Variants in FSTL5 observed in about 807,000 individuals in gnomAD.
The protein encoded by FSTL5 is follistatin-related protein 5.
Under a neutral mutation model 89.1 loss-of-function variants are expected in FSTL5, and 62 were observed. That is an observed-to-expected ratio of 0.70 (90% CI 0.57 to 0.86). The LOEUF is 0.86. FSTL5 is among the 40% of genes least tolerant of loss of function. The probability of loss-of-function intolerance (pLI) is 0.00; values close to 1 mark genes in which losing one functional copy is unlikely to be tolerated. For missense variants in FSTL5, 1,057 were observed against 1,001.6 expected, an observed-to-expected ratio of 1.06 and a Z score of -0.75; for synonymous variants, 383 against 346.2, an observed-to-expected ratio of 1.11 and a Z score of -1.18.
intron 1 of FSTL5, among the ~76,000 whole-genome samples, chr4:162,138,622 AGTC>A (rs1404159907): frequency 3.9e-5 from 6 of 152,128 alleles, no homozygotes; most frequent in Non-Finnish European, 8.8e-5. Flanking sequence ...ATTGTACTGG[AGTC>A]CTAATCAGTG....
At chr4:161,922,509 T>C (rs1734020421) in intron 3 of FSTL5, among the ~76,000 whole-genome samples, 2 of 151,928 alleles carry the variant, frequency 1.3e-5, no homozygotes, top group South Asian at 4.1e-4. Context: ...CCCAGAGAAG[T>C]TGTTAATATA....
At chr4:161,563,312 C>T (rs1732672607) in intron 8 of FSTL5, among the ~76,000 whole-genome samples, 1 of 151,844 alleles carries the variant, frequency 6.6e-6, no homozygotes, top group Non-Finnish European at 1.5e-5. Flanking sequence ...GGCTATATAT[C>T]CAGAAGTGGA....
At chr4:162,023,051 A>T (rs568051666) in intron 3 of FSTL5, 51 of 152,274 alleles carry the variant, frequency 3.3e-4, no homozygotes, top group African/African-American at 1.2e-3. Context: ...GCCTGTAACG[A>T]AACTACACGT....
chr4:161,977,990 CT>C (rs1735713358), intron 3 of FSTL5, among the ~76,000 whole-genome samples: 1 of 152,162 alleles, frequency 6.6e-6, no homozygotes, highest in African/African-American at 2.4e-5. Context: ...AAATCCATTT[CT>C]TACTTATGTC....
rs571635830 is a variant in FSTL5, at chr4:161,391,419, T to C, written c.1842-4970A>G. ...ATAATCATAATTCTTCCCCTACACA[T>C]AATTAATAAGTAAACCCACTCAAAA... On this transcript the variant is annotated intron_variant, in intron 15 of 15. Transcript: ENST00000306100. Among the ~76,000 whole-genome samples the C allele has an allele frequency of 1.2e-3, 185 of 152,278 alleles. 2 individuals are homozygous for C. Among genetic ancestry groups the C allele is most frequent in the Non-Finnish European group, 1.9e-3 (128 of 68,020 alleles).
intron 12 of FSTL5, among the ~76,000 whole-genome samples, chr4:161,486,286 G>T (rs1729676524): frequency 6.6e-6 from 1 of 152,088 alleles, no homozygotes; most frequent in Non-Finnish European, 1.5e-5. Context: ...AAATAAGGTG[G>T]CCTAACATGT....
At chr4:161,468,798 CTG>C (rs1455323069) in intron 13 of FSTL5, among the ~76,000 whole-genome samples, 1 of 152,044 alleles carries the variant, frequency 6.6e-6, no homozygotes, top group Non-Finnish European at 1.5e-5. Flanking sequence ...ATCTGTAAGA[CTG>C]TGTGTATACC....
At chr4:161,866,565 C>T (rs1732099307) in intron 4 of FSTL5, among the ~76,000 whole-genome samples, 1 of 149,400 alleles carries the variant, frequency 6.7e-6, no homozygotes, top group Non-Finnish European at 1.5e-5. Flanking sequence ...ACTACAGTAT[C>T]AACTCTTTAA....
chr4:161,992,365 G>T (rs1736136542), intron 3 of FSTL5, among the ~76,000 whole-genome samples: 1 of 152,130 alleles, frequency 6.6e-6, no homozygotes, highest in African/African-American at 2.4e-5. Context: ...CTAGAGCTTT[G>T]AATATGTTTT....
In FSTL5 at chr4:162,009,731, C is replaced by A. The variant is rs74659480; in HGVS notation, c.160+23894G>T. On this transcript the variant is annotated intron_variant, in intron 3 of 15. Transcript: ENST00000306100. The stretch of plus-strand genomic sequence containing the variant: ...AAAGAAAATAAGGATTATTATTTTT[C>A]ATTCCTACATTATTCTATGAATGCA... Among the ~76,000 whole-genome samples, 283 of 152,100 alleles carry A rather than the reference C, an allele frequency of 1.9e-3. 7 individuals carry two copies. In the East Asian group the frequency reaches 0.05, roughly 27 times the overall value.
chr4:162,057,708 C>A (rs547025510), intron 2 of FSTL5, among the ~76,000 whole-genome samples: 1 of 152,240 alleles, frequency 6.6e-6, no homozygotes, highest in Non-Finnish European at 1.5e-5. Flanking sequence ...CTTTGGGAGG[C>A]CGAGGTGGGC....
chr4:162,146,692 TCCCTTCCCTTCCCTTC>T (rs1267006355), intron 1 of FSTL5, among the ~76,000 whole-genome samples: 3 of 98,422 alleles, frequency 3.0e-5, no homozygotes, highest in African/African-American at 1.1e-4. Flanking sequence ...TCCCTTCCCT[TCCCTTCCCTTCCCTTC>T]CCCTTCCCCT....
intron 12 of FSTL5, among the ~76,000 whole-genome samples, chr4:161,492,206 T>C (rs1214223597): frequency 1.3e-5 from 2 of 152,154 alleles, no homozygotes; most frequent in Middle Eastern, 3.2e-3. Flanking sequence ...TTAAAATTTA[T>C]GTATCTGTTA....
intron 4 of FSTL5, among the ~76,000 whole-genome samples, chr4:161,860,250 T>G: frequency 6.6e-6 from 1 of 151,986 alleles, no homozygotes; most frequent in East Asian, 1.9e-4. Flanking sequence ...ATCGCGCCAC[T>G]GCACTCCAGC....
intron 4 of FSTL5, among the ~76,000 whole-genome samples, chr4:161,792,325 G>A (rs1336350679): frequency 6.6e-6 from 1 of 152,122 alleles, no homozygotes; most frequent in Non-Finnish European, 1.5e-5. Context: ...CTTGGCATGG[G>A]ACTCTAGGCG....
chr4:162,033,356 T>C (rs998257233), intron 3 of FSTL5, among the ~76,000 whole-genome samples: 2 of 152,040 alleles, frequency 1.3e-5, no homozygotes, highest in Non-Finnish European at 2.9e-5. Context: ...GTGGAGGAGT[T>C]CAACCACCAC....
intron 10 of FSTL5, among the ~76,000 whole-genome samples, chr4:161,535,216 C>A (rs1731559810): frequency 6.6e-6 from 1 of 151,968 alleles, no homozygotes; most frequent in African/African-American, 2.4e-5. Context: ...TAATAATTGA[C>A]AAGAGTGCCT....
At chr4:161,998,974 G>A (rs751138119) in intron 3 of FSTL5, among the ~76,000 whole-genome samples, 2 of 151,710 alleles carry the variant, frequency 1.3e-5, no homozygotes, top group Non-Finnish European at 2.9e-5. Context: ...TGTGATGCTG[G>A]TTAGTTGTGC....
At chr4:161,826,847 A>G (rs983006710) in intron 4 of FSTL5, among the ~76,000 whole-genome samples, 2 of 152,180 alleles carry the variant, frequency 1.3e-5, no homozygotes, top group Non-Finnish European at 2.9e-5. Flanking sequence ...CCATTCTGCC[A>G]TTCTTTATCT....
Sources: allele counts gnomAD v4.1 joint callset (sites outside exome capture counted in the v4.1 genomes callset), GRCh38; gene constraint gnomAD v4.1.1; transcripts MANE v1.5; gene names NCBI Gene and HGNC (gene_info 2026-07-23, HGNC 2026-07-21).